FBXW2: variants seen among roughly 807,000 people sequenced by gnomAD.
FBXW2 encodes the protein F-box and WD repeat domain containing 2, also known as F-box/WD repeat-containing protein 2.
In FBXW2, 12 loss-of-function variants were observed where a neutral mutation model predicts 46.0. The observed-to-expected ratio is 0.26, with a 90% CI of 0.17 to 0.42. The LOEUF is 0.42. FBXW2 is among the 10% of genes least tolerant of loss of function. FBXW2 has a pLI of 1.00. For missense variants in FBXW2, 360 were observed against 537.0 expected, an observed-to-expected ratio of 0.67 and a Z score of 3.26; for synonymous variants, 203 against 209.6, an observed-to-expected ratio of 0.97 and a Z score of 0.27.
chr9:120,787,671 T>C, intron 3 of FBXW2, 98 bp downstream of exon 3: 1 of 1,329,772 alleles, frequency 7.5e-7, no homozygotes, highest in South Asian at 1.4e-5. Context: ...ATATCTCATA[T>C]AATCAACACT....
chr9:120,760,667 T>G lies in FBXW2; in HGVS notation c.*3892A>C, dbSNP rs1468970820. On this transcript the variant is annotated 3_prime_UTR_variant, in exon 8 of 8. Transcript: ENST00000608872. ...AAACAAAACAAAACAAAAAAAACAG[T>G]GATGTTGGTAGGATTCACCTCTAGG... 2.0e-5 allele frequency: 3 copies of G among 151,862 alleles called. No homozygotes were observed. The highest frequency in any genetic ancestry group is 4.4e-5 in the Non-Finnish European group (3 of 67,948). 9.4% of individuals were successfully genotyped at this position (151,862 alleles called of 1,614,324 possible).
chr9:120,788,931 T>C (rs2044777192), intron 2 of FBXW2, among the ~76,000 whole-genome samples: 1 of 152,152 alleles, frequency 6.6e-6, no homozygotes, highest in Non-Finnish European at 1.5e-5. Flanking sequence ...GCACTGCCTG[T>C]TTAGAACATG....
At chr9:120,767,633 T>C (rs948114993) in intron 7 of FBXW2, among the ~76,000 whole-genome samples, 4 of 152,226 alleles carry the variant, frequency 2.6e-5, no homozygotes, top group African/African-American at 7.2e-5. Context: ...AGCTAGCCAA[T>C]GTTGGTACCA....
rs1349263143 is a variant in FBXW2 at position 120,758,375 on chromosome 9, T to C, written c.*6184A>G. The C allele has an allele frequency of 2.0e-5, 3 of 152,146 alleles. No individual in the cohort carries two copies. Among genetic ancestry groups the C allele is most frequent in the African/African-American group, 7.2e-5 (3 of 41,404 alleles). 9.4% of individuals were successfully genotyped at this position (152,146 alleles called of 1,614,324 possible). On this transcript the variant is annotated 3_prime_UTR_variant, in exon 8 of 8. Coordinates refer to ENST00000608872, the MANE Select transcript of FBXW2 (RefSeq NM_012164.4). ...GCAAGAACTGTTTGCTCGAAGAAAT[T>C]AGCTAGGGCTCCATGATGTTAAGGA...
intron 3 of FBXW2, among the ~76,000 whole-genome samples, chr9:120,779,361 T>A (rs1056322846): frequency 3.3e-5 from 5 of 152,246 alleles, no homozygotes; most frequent in African/African-American, 1.2e-4. Flanking sequence ...ACAGTCACTA[T>A]GATAATGGCA....
rs575592553 is a variant in FBXW2, at chr9:120,790,433, G to A, written c.-20-2155C>T. 1.1e-4 allele frequency among the ~76,000 whole-genome samples: 16 copies of A among 152,126 alleles called. No homozygotes were observed. In the East Asian group the frequency reaches 2.1e-3, roughly 20 times the overall value. On this transcript the variant is annotated intron_variant, in intron 2 of 7. Coordinates refer to ENST00000608872, the MANE Select transcript of FBXW2 (RefSeq NM_012164.4). The stretch of plus-strand genomic sequence containing the variant: ...CAGGAGGCGGAGCTTGCAGTGAGCC[G>A]AGATCACGCCACTGCACTCCAGCCG...
rs913807430 is a variant in FBXW2 at position 120,757,400 on chromosome 9, C to T, written c.*7159G>A. ...ACTGCTTTTGCGAGTAAGTCTTCTA[C>T]TGGAACTTGTTCTAAGGAAATATGC... On this transcript the variant is annotated 3_prime_UTR_variant, in exon 8 of 8. Transcript: ENST00000608872. 6.6e-6 allele frequency: 1 copy of T among 152,174 alleles called. No homozygotes were observed. The highest frequency in any genetic ancestry group is 1.5e-5 in the Non-Finnish European group (1 of 68,028). The allele number at this position is 152,174 out of a possible 1,614,324, so 9.4% of individuals were successfully genotyped here. A position where few individuals can be genotyped will look rare whatever the true frequency, so the allele number is the denominator to read the frequency against.
At chr9:120,766,405 A>ACCG in intron 7 of FBXW2, among the ~76,000 whole-genome samples, 1 of 152,184 alleles carries the variant, frequency 6.6e-6, no homozygotes, top group African/African-American at 2.4e-5. Context: ...AATATTTATC[A>ACCG]AGCATTTACA....
At chr9:120,768,640 A>T (rs2044317139) in intron 7 of FBXW2, among the ~76,000 whole-genome samples, 1 of 152,066 alleles carries the variant, frequency 6.6e-6, no homozygotes, top group Non-Finnish European at 1.5e-5. Flanking sequence ...GGCCAACAGG[A>T]TGAAACCCCA....
Position 120,758,604 on chromosome 9 carries a change from G to GA in FBXW2, c.*5954dup, listed in dbSNP as rs2131251008. 6.6e-6 allele frequency: 1 copy of GA among 152,314 alleles called. No individual in the cohort carries two copies. The highest frequency in any genetic ancestry group is 2.1e-4 in the South Asian group (1 of 4,820). The allele number at this position is 152,314 out of a possible 1,614,324, so 9.4% of individuals were successfully genotyped here. A position where few individuals can be genotyped will look rare whatever the true frequency, so the allele number is the denominator to read the frequency against. On this transcript the variant is annotated 3_prime_UTR_variant, in exon 8 of 8. Transcript: ENST00000608872. ...AAGAACAGACAAACATGAAAACATGGAAAAAATCCAGGTGTGTGGGGGCTG... is the reference window on the plus strand; with the variant it reads ...AAGAACAGACAAACATGAAAACATGGAAAAAAATCCAGGTGTGTGGGGGCTG...
chr9:120,776,397 C>T, intron 4 of FBXW2, 171 bp from the exon 5 acceptor site: 1 of 683,454 alleles, frequency 1.5e-6, no homozygotes. Flanking sequence ...AAAATTCTTA[C>T]TATTATAGCT....
intron 3 of FBXW2, among the ~76,000 whole-genome samples, chr9:120,781,884 G>A (rs777366427): frequency 2.0e-5 from 3 of 151,560 alleles, no homozygotes; most frequent in Non-Finnish European, 4.4e-5. Flanking sequence ...TTAGCCAGGC[G>A]TGGTGGCGCA....
At position 120,758,579 on chromosome 9, in the gene FBXW2, AAG is replaced by A. The variant is rs1250642078; in HGVS notation, c.*5978_*5979del. ...GATTTGAAGAGACTTGAAATACAGA[AAG>A]AACAGACAAACATGAAAACATGGAA... is the stretch of plus-strand genomic sequence containing the variant. On this transcript the variant is annotated 3_prime_UTR_variant, in exon 8 of 8. Transcript: ENST00000608872. 1 of 152,392 alleles carries A rather than the reference AAG, an allele frequency of 6.6e-6. No homozygotes were observed. Among genetic ancestry groups the A allele is most frequent in the East Asian group, 1.9e-4 (1 of 5,186 alleles). The allele number at this position is 152,392 out of a possible 1,614,324, so 9.4% of individuals were successfully genotyped here.
chr9:120,783,725 A>G (rs2044663408), intron 3 of FBXW2, among the ~76,000 whole-genome samples: 1 of 152,220 alleles, frequency 6.6e-6, no homozygotes, highest in Non-Finnish European at 1.5e-5. Flanking sequence ...ATGCCCTCAC[A>G]TTGTTTTTCA....
At chr9:120,765,565 A>G (rs1329522504) in intron 7 of FBXW2, among the ~76,000 whole-genome samples, 1 of 152,230 alleles carries the variant, frequency 6.6e-6, no homozygotes, top group Non-Finnish European at 1.5e-5. Flanking sequence ...CTAGAAGGCA[A>G]GAGTTAACTC....
chr9:120,786,332 T>C, intron 3 of FBXW2, among the ~76,000 whole-genome samples: 1 of 152,150 alleles, frequency 6.6e-6, no homozygotes, highest in East Asian at 1.9e-4. Context: ...GATGGTTTTA[T>C]AAGGGCCTCT....
rs1344280246 is a variant in FBXW2 at position 120,772,838 on chromosome 9, T to G, written c.822A>C (p.Val274=). ...ACTTGACTTTGCACTTCTGCAAAAC[T>G]ACCTGCAAATGTAAACCATGTTACG... ...LTGHTEWVTK[V]VLQKCKVKSL... The change falls in exon 6 of 8, where the codon GTA becomes GTC. Residue 274 remains valine, a splice_region_variant and synonymous_variant. Transcript: ENST00000608872. The G allele has an allele frequency of 6.2e-7, 1 of 1,606,044 alleles. No homozygotes were observed. The highest frequency in any genetic ancestry group is 1.3e-5 in the African/African-American group (1 of 74,714).
chr9:120,758,448 G>A lies in FBXW2; in HGVS notation c.*6111C>T, dbSNP rs1168046803. ...ACGGAGAGTTACCAAGATTGAACAA[G>A]AGCAAGTAAGTGCTCAAAGAAGTGG... On this transcript the variant is annotated 3_prime_UTR_variant, in exon 8 of 8. Coordinates refer to ENST00000608872, the MANE Select transcript of FBXW2 (RefSeq NM_012164.4). 1 of 152,274 alleles carries A rather than the reference G, an allele frequency of 6.6e-6. No homozygotes were observed. The highest frequency in any genetic ancestry group is 2.4e-5 in the African/African-American group (1 of 41,448). The allele number at this position is 152,274 out of a possible 1,614,324, so 9.4% of individuals were successfully genotyped here.
intron 7 of FBXW2, among the ~76,000 whole-genome samples, chr9:120,768,092 C>T (rs2044306985): frequency 6.6e-6 from 1 of 152,212 alleles, no homozygotes; most frequent in Admixed American, 6.5e-5. Context: ...GAATTTCCTT[C>T]AATTTCTCAA....
Sources: gnomAD v4.1 joint callset for allele counts (sites outside exome capture counted in the v4.1 genomes callset) on GRCh38, gnomAD v4.1.1 for gene constraint, MANE v1.5 for transcripts, NCBI Gene and HGNC (gene_info 2026-07-23, HGNC 2026-07-21) for gene names.